Variants in MGAT5 observed in about 807,000 individuals in gnomAD.
MGAT5 encodes alpha-1,6-mannosylglycoprotein 6-beta-N-acetylglucosaminyltransferase A.
In MGAT5, 30 loss-of-function variants were observed where a neutral mutation model predicts 94.3. That is an observed-to-expected ratio of 0.32 (90% confidence interval 0.24 to 0.43). The LOEUF (loss-of-function observed/expected upper bound fraction) is 0.43. Ranked by LOEUF, MGAT5 falls within the 20% of genes least tolerant of loss-of-function variation. MGAT5 has a pLI of 1.00. For missense variants in MGAT5, 691 were observed against 905.5 expected (o/e 0.76, Z 3.04); for synonymous variants, 310 against 322.9 (o/e 0.96, Z 0.43).
At chr2:134,239,345 T>C (rs1368518169) in intron 1 of MGAT5, among the ~76,000 whole-genome samples, 2 of 152,180 alleles carry the variant, frequency 1.3e-5, no homozygotes, top group African/African-American at 2.4e-5. Flanking sequence ...CTCAGTATTA[T>C]CAATTACTTT....
At chr2:134,288,805 ACAGC>A (rs1411401047) in intron 2 of MGAT5, among the ~76,000 whole-genome samples, 1 of 152,076 alleles carries the variant, frequency 6.6e-6, no homozygotes, top group Non-Finnish European at 1.5e-5. Context: ...CTCTCCCCTG[ACAGC>A]CACCCATTCC....
intron 1 of MGAT5, among the ~76,000 whole-genome samples, chr2:134,162,929 T>C (rs1157251269): frequency 6.6e-6 from 1 of 152,240 alleles, no homozygotes; most frequent in African/African-American, 2.4e-5. Context: ...GAGAATCTAC[T>C]GTTGGAATAA....
At chr2:134,354,524 C>T (rs754068374) in intron 9 of MGAT5, among the ~76,000 whole-genome samples, 8 of 152,214 alleles carry the variant, frequency 5.3e-5, no homozygotes, top group Non-Finnish European at 8.8e-5. Context: ...GTACACGTCT[C>T]ACTTTAAGGC....
chr2:134,296,956 T>C (rs963131602), intron 2 of MGAT5, among the ~76,000 whole-genome samples: 3 of 152,058 alleles, frequency 2.0e-5, no homozygotes, highest in African/African-American at 7.2e-5. Flanking sequence ...TCTAGCACTT[T>C]GGGAGGCAGA....
At chr2:134,164,957 T>C (rs190049405) in intron 1 of MGAT5, among the ~76,000 whole-genome samples, 98 of 152,242 alleles carry the variant, frequency 6.4e-4, no homozygotes, top group African/African-American at 2.2e-3. Context: ...GTAAGGAGGC[T>C]GTGTCCTCCA....
At chr2:134,168,768 C>G (rs1688066959) in intron 1 of MGAT5, among the ~76,000 whole-genome samples, 1 of 152,200 alleles carries the variant, frequency 6.6e-6, no homozygotes, top group Non-Finnish European at 1.5e-5. Context: ...CATAGACACT[C>G]TTTACTTTGA....
intron 1 of MGAT5, among the ~76,000 whole-genome samples, chr2:134,248,859 GA>G (rs974801047): frequency 6.6e-6 from 1 of 152,122 alleles, no homozygotes; most frequent in Non-Finnish European, 1.5e-5. Flanking sequence ...AGGGATGTTG[GA>G]TGGCCACCTG....
chr2:134,277,861 T>C (rs112240217), intron 2 of MGAT5, among the ~76,000 whole-genome samples: 1 of 152,264 alleles, frequency 6.6e-6, no homozygotes, highest in African/African-American at 2.4e-5. Flanking sequence ...TGGAACACTT[T>C]AAATTTGAAG....
At chr2:134,207,576 T>TAAAAAA (rs200009308) in intron 1 of MGAT5, among the ~76,000 whole-genome samples, 1 of 142,490 alleles carries the variant, frequency 7.0e-6, no homozygotes, top group African/African-American at 2.6e-5. Context: ...ACTGAAAGGT[T>TAAAAAA]AAAAAAAAAA....
chr2:134,289,399 C>T (rs769043612), intron 2 of MGAT5, among the ~76,000 whole-genome samples: 4 of 152,198 alleles, frequency 2.6e-5, no homozygotes, highest in Non-Finnish European at 4.4e-5. Context: ...GGCACAAAGC[C>T]ATCAGCCAGC....
intron 13 of MGAT5, among the ~76,000 whole-genome samples, chr2:134,423,943 C>T (rs928915537): frequency 6.6e-6 from 1 of 152,134 alleles, no homozygotes; most frequent in South Asian, 2.1e-4. Flanking sequence ...CCGGTGCCCA[C>T]GTAGGGATTT....
intron 2 of MGAT5, among the ~76,000 whole-genome samples, chr2:134,288,756 C>T (rs144719832): frequency 8.0e-4 from 122 of 152,254 alleles, no homozygotes; most frequent in African/African-American, 2.6e-3. Context: ...TGAATTCCCC[C>T]GATAACTGGT....
intron 1 of MGAT5, among the ~76,000 whole-genome samples, chr2:134,148,235 G>A (rs1297231828): frequency 6.6e-6 from 1 of 152,170 alleles, no homozygotes; most frequent in Non-Finnish European, 1.5e-5. Flanking sequence ...CTGCTCTGTC[G>A]CCTCTGGTCT....
At chr2:134,415,752 G>A in intron 12 of MGAT5, among the ~76,000 whole-genome samples, 1 of 152,242 alleles carries the variant, frequency 6.6e-6, no homozygotes, top group South Asian at 2.1e-4. Context: ...GCTGTTTCAG[G>A]TCTTATATTG....
intron 1 of MGAT5, among the ~76,000 whole-genome samples, chr2:134,246,070 A>T (rs1234096794): frequency 6.6e-6 from 1 of 151,572 alleles, no homozygotes; most frequent in Admixed American, 6.6e-5. Flanking sequence ...TGTTGTTTTT[A>T]GCAGGTGTAT....
intron 2 of MGAT5, among the ~76,000 whole-genome samples, chr2:134,292,780 G>A (rs1685452694): frequency 6.6e-6 from 1 of 152,210 alleles, no homozygotes; most frequent in Non-Finnish European, 1.5e-5. Flanking sequence ...CTTGTAACCA[G>A]TGGCTGTGCT....
At chr2:134,264,145 C>T (rs1233405333) in intron 1 of MGAT5, among the ~76,000 whole-genome samples, 1 of 151,454 alleles carries the variant, frequency 6.6e-6, no homozygotes, top group Non-Finnish European at 1.5e-5. Flanking sequence ...GCCTCAGCCT[C>T]CTTAGTAGCT....
At chr2:134,355,721 G>A (rs554476006) in intron 9 of MGAT5, among the ~76,000 whole-genome samples, 31 of 152,250 alleles carry the variant, frequency 2.0e-4, no homozygotes, top group African/African-American at 5.8e-4. Flanking sequence ...TAAATTTTCC[G>A]GTATTTGGAT....
At chr2:134,373,991 C>T (rs1477015935) in intron 10 of MGAT5, among the ~76,000 whole-genome samples, 1 of 152,204 alleles carries the variant, frequency 6.6e-6, no homozygotes, top group Non-Finnish European at 1.5e-5. Flanking sequence ...CTCTATGGTC[C>T]TTATCAACCA....
Sources: allele counts gnomAD v4.1 joint callset (sites outside exome capture counted in the v4.1 genomes callset), GRCh38; gene constraint gnomAD v4.1.1; transcripts MANE v1.5; gene names NCBI Gene and HGNC (gene_info 2026-07-23, HGNC 2026-07-21).